Variants in SDK1 observed in about 807,000 individuals in gnomAD.
The protein encoded by SDK1 is protein sidekick-1.
SDK1 carries 157 observed loss-of-function variants against 245.5 expected under a neutral mutation model. The observed-to-expected ratio is 0.64, with a 90% CI of 0.56 to 0.73. SDK1 has a LOEUF of 0.73. Ranked by LOEUF, SDK1 falls within the 30% of genes least tolerant of loss-of-function variation. The pLI, the probability that SDK1 is intolerant of heterozygous loss-of-function variation, is 0.00. For synonymous variants in SDK1, 1,647 were observed against 1,278.5 expected (o/e 1.29, Z -6.15); for missense variants, 3,583 against 3,002.3 (o/e 1.19, Z -4.52).
At chr7:4,255,471 C>T (rs750088494) in intron 44 of SDK1, among the ~76,000 whole-genome samples, 1 of 152,178 alleles carries the variant, frequency 6.6e-6, no homozygotes, top group Non-Finnish European at 1.5e-5. Flanking sequence ...TTTGGGCCTG[C>T]TCCTCCCAGC....
rs1443800111 is a variant in SDK1, at chr7:3,962,860, A to T, written c.1429+9A>T. 5.0e-6 allele frequency: 8 copies of T among 1,604,630 alleles called. No homozygotes were observed. The highest frequency in any genetic ancestry group is 2.2e-5 in the East Asian group (1 of 44,664). ...CTACCTGGATGTAACCAGTGAGTAC[A>T]CCCAGGCCCACAGCTACCTGACCTG... On this transcript the variant is annotated intron_variant, in intron 9 of 44. Transcript: ENST00000404826.
intron 1 of SDK1, among the ~76,000 whole-genome samples, chr7:3,358,857 T>G (rs1780877744): frequency 6.6e-6 from 1 of 152,342 alleles, no homozygotes; most frequent in Admixed American, 6.5e-5. Flanking sequence ...TTATTTCCTC[T>G]TTTCAATTTC....
chr7:3,482,084 G>A (rs1287977087), intron 1 of SDK1, among the ~76,000 whole-genome samples: 1 of 152,088 alleles, frequency 6.6e-6, no homozygotes, highest in Non-Finnish European at 1.5e-5. Context: ...TAAAGTTCAG[G>A]GACATATCCT....
At chr7:3,606,804 T>C (rs774706306) in intron 1 of SDK1, among the ~76,000 whole-genome samples, 4 of 152,300 alleles carry the variant, frequency 2.6e-5, no homozygotes, top group Non-Finnish European at 4.4e-5. Flanking sequence ...CATTACATTA[T>C]ATAAAGGTGT....
At chr7:4,203,372 G>C (rs888281398) in intron 35 of SDK1, among the ~76,000 whole-genome samples, 1 of 152,184 alleles carries the variant, frequency 6.6e-6, no homozygotes, top group Non-Finnish European at 1.5e-5. Flanking sequence ...GAGTCACTCA[G>C]CTCTGCGATG....
chr7:3,303,707 C>G (rs891923988), intron 1 of SDK1, among the ~76,000 whole-genome samples: 6 of 152,078 alleles, frequency 3.9e-5, no homozygotes, highest in African/African-American at 1.4e-4. Context: ...AGTTCATTGA[C>G]GGGTTTCTGT....
At chr7:4,177,746 C>T (rs1207034365) in intron 34 of SDK1, among the ~76,000 whole-genome samples, 1 of 152,166 alleles carries the variant, frequency 6.6e-6, no homozygotes, top group African/African-American at 2.4e-5. Context: ...TTATTGTGTA[C>T]TTTATTTCCA....
At chr7:3,576,069 C>G (rs1194498153) in intron 1 of SDK1, among the ~76,000 whole-genome samples, 1 of 151,982 alleles carries the variant, frequency 6.6e-6, no homozygotes, top group East Asian at 1.9e-4. Context: ...AAATCACAAA[C>G]CTGACTTTAC....
chr7:3,960,511 C>G (rs1781591276), intron 8 of SDK1, among the ~76,000 whole-genome samples: 1 of 152,212 alleles, frequency 6.6e-6, no homozygotes, highest in African/African-American at 2.4e-5. Context: ...TGCTGTGCCA[C>G]CCTTCCGGTG....
chr7:3,306,918 C>T (rs960240174), intron 1 of SDK1, among the ~76,000 whole-genome samples: 4 of 152,142 alleles, frequency 2.6e-5, no homozygotes, highest in East Asian at 1.9e-4. Context: ...GATTAGGTCA[C>T]GGCTTAAATT....
chr7:4,205,194 C>G (rs1784147823), intron 35 of SDK1, among the ~76,000 whole-genome samples: 1 of 152,190 alleles, frequency 6.6e-6, no homozygotes, highest in African/African-American at 2.4e-5. Flanking sequence ...GCCATGTTCT[C>G]AAACATCGGA....
chr7:3,609,739 T>C (rs115244583), intron 1 of SDK1, among the ~76,000 whole-genome samples: 4,483 of 145,596 alleles, frequency 0.031, 207 homozygotes, highest in African/African-American at 0.1. Flanking sequence ...CTCACTCCCT[T>C]ACCCAGGCTA....
intron 5 of SDK1, among the ~76,000 whole-genome samples, chr7:3,837,815 G>C (rs1780059934): frequency 6.6e-6 from 1 of 152,210 alleles, no homozygotes; most frequent in African/African-American, 2.4e-5. Flanking sequence ...GTGGCTGGAT[G>C]CTACTGTATT....
chr7:3,763,216 C>G (rs1198983451), intron 4 of SDK1, among the ~76,000 whole-genome samples: 1 of 152,082 alleles, frequency 6.6e-6, no homozygotes, highest in Non-Finnish European at 1.5e-5. Context: ...TAAGCATAGT[C>G]TTATTTTTTC....
intron 40 of SDK1, among the ~76,000 whole-genome samples, chr7:4,223,551 C>T (rs577054897): frequency 6.6e-6 from 1 of 152,202 alleles, no homozygotes; most frequent in East Asian, 1.9e-4. Context: ...CCCATCTCTG[C>T]CTTCATCTTC....
Position 4,041,751 on chromosome 7 carries a change from C to G in SDK1, c.2603-7597C>G, listed in dbSNP as rs1024445699. 1.5e-5 allele frequency among the ~76,000 whole-genome samples: 2 copies of G among 136,220 alleles called. 1 individual carries two copies. Among genetic ancestry groups the G allele is most frequent in the East Asian group, 3.9e-4 (2 of 5,132 alleles). The allele number at this position is 136,220 out of a possible 152,430, so 89.4% of individuals were successfully genotyped here. On this transcript the variant is annotated intron_variant, in intron 17 of 44. Transcript: ENST00000404826. ...TTCACTGAGGAATGTTTAATGCATG[C>G]GTGTCGTGAAAACACAGCATATATA...
At chr7:3,993,616 A>G (rs1290927726) in intron 14 of SDK1, among the ~76,000 whole-genome samples, 2 of 152,192 alleles carry the variant, frequency 1.3e-5, no homozygotes, top group Admixed American at 6.5e-5. Context: ...TTAAAGCACA[A>G]AGAATAAAAA....
rs915872224 is a variant in SDK1, at chr7:3,669,290, T to A, written c.713+27185T>A. On this transcript the variant is annotated intron_variant, in intron 4 of 44. Transcript: ENST00000404826. Reference sequence around the variant, plus strand: ...CTGTTAAAGTTACTGCTTTGTCTCATAAACAGATACAGAAACAGATTAACT... The same window carrying A: ...CTGTTAAAGTTACTGCTTTGTCTCAAAAACAGATACAGAAACAGATTAACT... Among the ~76,000 whole-genome samples, 6 of 152,218 alleles carry A rather than the reference T, an allele frequency of 3.9e-5. No individual in the cohort carries two copies. The East Asian group carries it at 1.2e-3, about 29-fold the overall frequency.
At chr7:3,854,436 C>T (rs1408152167) in intron 5 of SDK1, among the ~76,000 whole-genome samples, 1 of 152,152 alleles carries the variant, frequency 6.6e-6, no homozygotes, top group Non-Finnish European at 1.5e-5. Flanking sequence ...ATGATTGCCC[C>T]CTGTCTCATT....
Sources: allele counts gnomAD v4.1 joint callset (sites outside exome capture counted in the v4.1 genomes callset), GRCh38; gene constraint gnomAD v4.1.1; transcripts MANE v1.5; gene names NCBI Gene and HGNC (gene_info 2026-07-23, HGNC 2026-07-21).